L3MBTL4: variants seen among roughly 807,000 people sequenced by gnomAD.
L3MBTL4 encodes the protein L3MBTL histone methyl-lysine binding protein 4.
Under a neutral mutation model 84.5 loss-of-function variants are expected in L3MBTL4, and 70 were observed. The ratio of observed to expected loss-of-function variants is 0.83; its 90% CI spans 0.68 to 1.01. The LOEUF (loss-of-function observed/expected upper bound fraction) is 1.01, where lower values mean the gene tolerates loss of function less well. Among genes scored for constraint, L3MBTL4 ranks in the 50% least tolerant of loss-of-function variants. The pLI is 0.00. For synonymous variants in L3MBTL4, 274 were observed against 259.8 expected (o/e 1.05, Z -0.52); for missense variants, 715 against 754.8 (o/e 0.95, Z 0.62).
intron 16 of L3MBTL4, among the ~76,000 whole-genome samples, chr18:6,040,729 T>G (rs140866422): frequency 4.6e-5 from 7 of 152,202 alleles, no homozygotes; most frequent in African/African-American, 1.7e-4. Flanking sequence ...GAACCTACAT[T>G]AGTCCTAGTC....
chr18:6,119,828 A>G (rs1009844467), intron 14 of L3MBTL4, among the ~76,000 whole-genome samples: 1 of 152,190 alleles, frequency 6.6e-6, no homozygotes, highest in Non-Finnish European at 1.5e-5. Context: ...AGTTCTGCAT[A>G]TATGTCTGGG....
intron 16 of L3MBTL4, among the ~76,000 whole-genome samples, chr18:6,071,781 G>A (rs182848601): frequency 1.2e-4 from 14 of 117,410 alleles, no homozygotes; most frequent in East Asian, 2.3e-3. Flanking sequence ...AAGAAAGAAA[G>A]AAAGAAAGAA....
intron 16 of L3MBTL4, among the ~76,000 whole-genome samples, chr18:5,977,117 A>G (rs1430276067): frequency 6.6e-6 from 1 of 152,096 alleles, no homozygotes; most frequent in Non-Finnish European, 1.5e-5. Context: ...TCCCTCATCC[A>G]GGGAGAAGTG....
intron 4 of L3MBTL4, among the ~76,000 whole-genome samples, chr18:6,269,740 CAT>C (rs1473411726): frequency 7.9e-5 from 12 of 152,176 alleles, no homozygotes; most frequent in Middle Eastern, 3.4e-3. Flanking sequence ...TAGAACTGCA[CAT>C]GTTTATATAC....
chr18:6,094,412 C>T (rs187405376), intron 14 of L3MBTL4, among the ~76,000 whole-genome samples: 16 of 152,152 alleles, frequency 1.1e-4, no homozygotes, highest in Admixed American at 6.5e-5. Flanking sequence ...CAAAGGAGAT[C>T]CAACTCATAA....
intron 7 of L3MBTL4, among the ~76,000 whole-genome samples, chr18:6,242,598 G>A (rs2047497272): frequency 6.6e-6 from 1 of 152,186 alleles, no homozygotes; most frequent in South Asian, 2.1e-4. Flanking sequence ...GACACCCTGA[G>A]TGGATAACTA....
chr18:6,363,320 C>A (rs1166624220), intron 1 of L3MBTL4, among the ~76,000 whole-genome samples: 2 of 152,158 alleles, frequency 1.3e-5, no homozygotes, highest in Admixed American at 6.5e-5. Flanking sequence ...ACGCCCACAC[C>A]CGACTCCCAG....
intron 16 of L3MBTL4, chr18:6,017,741 C>T (rs2055062321): frequency 6.6e-6 from 1 of 152,086 alleles, no homozygotes; most frequent in Non-Finnish European, 1.5e-5. Flanking sequence ...CTAAGCAAGG[C>T]CTTAAAAAGT....
Position 5,995,540 on chromosome 18 carries a change from T to G in L3MBTL4, c.1445-25978A>C, listed in dbSNP as rs1198382734. Among the ~76,000 whole-genome samples, 6 of 152,320 alleles carry G rather than the reference T, an allele frequency of 3.9e-5. No individual in the cohort carries two copies. The East Asian group carries it at 9.6e-4, about 24-fold the overall frequency. On this transcript the variant is annotated intron_variant, in intron 16 of 18. Coordinates refer to ENST00000317931, the MANE Select transcript of L3MBTL4 (RefSeq NM_001330559.2). ...AGGAGATGCTTTCAAGTAAGCTAGA[T>G]GTGTACCTAGCTTTGCTCTTTTCTT...
chr18:6,255,555 C>A (rs1021353203), intron 5 of L3MBTL4, among the ~76,000 whole-genome samples: 2 of 152,168 alleles, frequency 1.3e-5, no homozygotes, highest in African/African-American at 4.8e-5. Context: ...AGAGCCCCAG[C>A]AATTAATCAT....
chr18:6,334,540 G>A (rs1222117914), intron 1 of L3MBTL4, among the ~76,000 whole-genome samples: 1 of 151,942 alleles, frequency 6.6e-6, no homozygotes, highest in East Asian at 1.9e-4. Flanking sequence ...AAAGTAAAGG[G>A]GAGTTCCTTC....
At chr18:6,199,953 C>T (rs751805084) in intron 12 of L3MBTL4, among the ~76,000 whole-genome samples, 2 of 152,216 alleles carry the variant, frequency 1.3e-5, no homozygotes, top group African/African-American at 2.4e-5. Context: ...CTACAGAAAG[C>T]TGTCAGGCAG....
chr18:6,069,165 T>C (rs2057497302), intron 16 of L3MBTL4, among the ~76,000 whole-genome samples: 1 of 152,212 alleles, frequency 6.6e-6, no homozygotes, highest in African/African-American at 2.4e-5. Flanking sequence ...AGGCTTAGTG[T>C]GCTGGATTTC....
At chr18:6,254,488 G>A (rs2048056487) in intron 5 of L3MBTL4, among the ~76,000 whole-genome samples, 1 of 130,960 alleles carries the variant, frequency 7.6e-6, no homozygotes, top group South Asian at 2.4e-4. Context: ...TAATTAAACA[G>A]AACTTGCTAC....
intron 5 of L3MBTL4, among the ~76,000 whole-genome samples, chr18:6,252,668 G>A (rs1412578881): frequency 6.6e-6 from 1 of 152,182 alleles, no homozygotes; most frequent in African/African-American, 2.4e-5. Context: ...GAGCAGGCAG[G>A]ACGCAGGCCA....
chr18:6,302,760 G>A (rs780776680), intron 3 of L3MBTL4, among the ~76,000 whole-genome samples: 1 of 152,174 alleles, frequency 6.6e-6, no homozygotes, highest in Non-Finnish European at 1.5e-5. Flanking sequence ...CAAGGTAGGT[G>A]GATCACGAGG....
In L3MBTL4 at chr18:5,956,199, G is replaced by C; in HGVS notation, c.*21C>G. 1 of 1,603,792 alleles carries C rather than the reference G, an allele frequency of 6.2e-7. No homozygotes were observed. The highest frequency in any genetic ancestry group is 1.3e-5 in the African/African-American group (1 of 74,770). ...TGAAAGAGCGCAGGTCTTGGTGCCA[G>C]AGGAAGTTCAGGGAGCCCATTCATC... On this transcript the variant is annotated 3_prime_UTR_variant, in exon 19 of 19. Transcript: ENST00000317931.
At chr18:6,113,975 G>A (rs192768840) in intron 14 of L3MBTL4, among the ~76,000 whole-genome samples, 21 of 152,210 alleles carry the variant, frequency 1.4e-4, no homozygotes, top group African/African-American at 4.6e-4. Context: ...CTTCCCTCTC[G>A]TCCTTCCTCC....
At chr18:6,401,660 C>T (rs1281465240) in intron 1 of L3MBTL4, among the ~76,000 whole-genome samples, 1 of 152,208 alleles carries the variant, frequency 6.6e-6, no homozygotes, top group African/African-American at 2.4e-5. Context: ...TAATAAGGCA[C>T]TCACTTTGTA....
Sources: allele counts gnomAD v4.1 joint callset (sites outside exome capture counted in the v4.1 genomes callset), GRCh38; gene constraint gnomAD v4.1.1; transcripts MANE v1.5; gene names NCBI Gene and HGNC (gene_info 2026-07-23, HGNC 2026-07-21).